The following MYO16 variants were observed in gnomAD, a reference collection of about 807,000 sequenced individuals.
The protein encoded by MYO16 is unconventional myosin-XVI.
MYO16 carries 94 observed loss-of-function variants against 205.3 expected under a neutral mutation model. The ratio of observed to expected loss-of-function variants is 0.46; its 90% CI spans 0.39 to 0.54. The LOEUF (loss-of-function observed/expected upper bound fraction) is 0.54. MYO16 is among the 20% of genes least tolerant of loss of function. The pLI is 0.00. For missense variants in MYO16, 2,315 were observed against 2,387.5 expected (o/e 0.97, Z 0.63); for synonymous variants, 988 against 954.0 (o/e 1.04, Z -0.66).
At chr13:108,997,375 A>T (rs1453131831) in intron 21 of MYO16, among the ~76,000 whole-genome samples, 4 of 55,196 alleles carry the variant, frequency 7.2e-5, no homozygotes, top group African/African-American at 1.3e-4. Flanking sequence ...AGAGAGAGAG[A>T]GAGAGAGAGA....
intron 21 of MYO16, among the ~76,000 whole-genome samples, chr13:108,997,452 A>AAAGGAAAGGG (rs1885067630): frequency 6.6e-6 from 1 of 150,784 alleles, no homozygotes; most frequent in Non-Finnish European, 1.5e-5. Context: ...AAAGGAAAGG[A>AAAGGAAAGGG]AAGGGAAAAA....
chr13:108,671,395 CA>C (rs1881983448), intron 2 of MYO16, among the ~76,000 whole-genome samples: 1 of 152,082 alleles, frequency 6.6e-6, no homozygotes, highest in African/African-American at 2.4e-5. Flanking sequence ...AGAAATAACA[CA>C]AAAATTTCTG....
At position 108,724,634 on chromosome 13, in the gene MYO16, G is replaced by A. The variant is rs148334532; in HGVS notation, c.364-2806G>A. On this transcript the variant is annotated intron_variant, in intron 3 of 34. Transcript: ENST00000457511. ...CGTGATTCAATTTTAACTCTTTAGC[G>A]GTATTACGCACGGTGCATGTTATTT... Among the ~76,000 whole-genome samples the A allele has an allele frequency of 1.9e-3, 293 of 151,876 alleles. 2 individuals are homozygous for A. The highest frequency in any genetic ancestry group is 6.5e-3 in the African/African-American group (271 of 41,424).
chr13:108,909,695 G>A (rs1881168539), intron 15 of MYO16, among the ~76,000 whole-genome samples: 1 of 151,942 alleles, frequency 6.6e-6, no homozygotes, highest in East Asian at 1.9e-4. Flanking sequence ...ATATTAATGA[G>A]GAAAATTCCA....
At chr13:109,021,593 G>A (rs751667819) in intron 23 of MYO16, among the ~76,000 whole-genome samples, 1 of 152,166 alleles carries the variant, frequency 6.6e-6, no homozygotes, top group Non-Finnish European at 1.5e-5. Flanking sequence ...TGGAAGGCAG[G>A]CTTCTCCTTT....
intron 4 of MYO16, among the ~76,000 whole-genome samples, chr13:108,781,947 C>CCAA: frequency 6.6e-6 from 1 of 152,172 alleles, no homozygotes; most frequent in East Asian, 1.9e-4. Context: ...AACTGTAAGT[C>CCAA]CAATTAAACC....
At chr13:108,524,764 G>A in the MYO16 span, among the ~76,000 whole-genome samples, 3,385 of 152,190 alleles carry the variant, frequency 0.022, 110 homozygotes, top group South Asian at 0.081. Flanking sequence ...TGTGTGTGAT[G>A]ACAGGGGTAA....
intron 11 of MYO16, among the ~76,000 whole-genome samples, chr13:108,862,601 A>G (rs71440005): frequency 0.016 from 2,426 of 152,296 alleles, 30 homozygotes; most frequent in Middle Eastern, 0.051. Context: ...GTGTTCCTAA[A>G]CAAATCACCA....
At chr13:108,814,983 T>A (rs1295161068) in intron 7 of MYO16, among the ~76,000 whole-genome samples, 1 of 152,034 alleles carries the variant, frequency 6.6e-6, no homozygotes, top group Non-Finnish European at 1.5e-5. Context: ...GAAAGGATAA[T>A]GAAAATAGCA....
intron 15 of MYO16, among the ~76,000 whole-genome samples, chr13:108,898,640 TA>T (rs1268284432): frequency 6.6e-6 from 1 of 152,072 alleles, no homozygotes; most frequent in East Asian, 1.9e-4. Context: ...CTATTTGAAA[TA>T]AAACTGAATC....
chr13:108,993,435 C>T (rs908395427), intron 21 of MYO16, among the ~76,000 whole-genome samples: 22 of 152,088 alleles, frequency 1.4e-4, no homozygotes, highest in African/African-American at 5.1e-4. Flanking sequence ...GATACCTACC[C>T]GTTACTGTTG....
At chr13:108,981,741 G>A (rs1315904836) in intron 20 of MYO16, among the ~76,000 whole-genome samples, 1 of 152,214 alleles carries the variant, frequency 6.6e-6, no homozygotes. Context: ...ACTACTTACT[G>A]TTTTAAGTCA....
the MYO16 span, among the ~76,000 whole-genome samples, chr13:108,496,372 C>G: frequency 6.6e-6 from 1 of 152,188 alleles, no homozygotes; most frequent in Non-Finnish European, 1.5e-5. Flanking sequence ...GCTTCCTCCT[C>G]CTCTGTTTCT....
intron 1 of MYO16, among the ~76,000 whole-genome samples, chr13:108,660,151 G>A (rs1236959780): frequency 6.6e-6 from 1 of 152,136 alleles, no homozygotes; most frequent in African/African-American, 2.4e-5. Flanking sequence ...GTATAAGAGT[G>A]ATAAATACTA....
intron 2 of MYO16, among the ~76,000 whole-genome samples, chr13:108,667,238 T>C (rs1262774771): frequency 1.3e-5 from 2 of 151,972 alleles, no homozygotes; most frequent in Non-Finnish European, 2.9e-5. Flanking sequence ...TTATACATGG[T>C]AAGAAGACTC....
At chr13:108,571,282 T>C in the MYO16 span, among the ~76,000 whole-genome samples, 1 of 150,208 alleles carries the variant, frequency 6.7e-6, no homozygotes, top group Admixed American at 6.6e-5. Context: ...GGCTCAGGAC[T>C]GAGGATTAGC....
At chr13:109,029,140 G>A (rs1354187733) in intron 23 of MYO16, among the ~76,000 whole-genome samples, 4 of 128,868 alleles carry the variant, frequency 3.1e-5, no homozygotes, top group African/African-American at 1.2e-4. Flanking sequence ...TTGAGATGGA[G>A]TTTTGCTCTT....
chr13:108,759,342 G>C (rs1281394487), intron 4 of MYO16, among the ~76,000 whole-genome samples: 1 of 152,214 alleles, frequency 6.6e-6, no homozygotes, highest in African/African-American at 2.4e-5. Flanking sequence ...TCATTCTGCT[G>C]TATTTATAAT....
At chr13:109,044,432 G>T (rs9559474) in intron 23 of MYO16, among the ~76,000 whole-genome samples, 51,540 of 151,982 alleles carry the variant, frequency 0.34, 9,664 homozygotes, top group East Asian at 0.82. Flanking sequence ...GATATGATTG[G>T]AGGCATTTGG....
Sources: allele counts gnomAD v4.1 joint callset (sites outside exome capture counted in the v4.1 genomes callset), GRCh38; gene constraint gnomAD v4.1.1; transcripts MANE v1.5; gene names NCBI Gene and HGNC (gene_info 2026-07-23, HGNC 2026-07-21).